Variants in SCD5 observed in about 807,000 individuals in gnomAD.
SCD5 encodes stearoyl-CoA desaturase 5, also known as acyl-CoA-desaturase 4.
In SCD5, 20 loss-of-function variants were observed where a neutral mutation model predicts 30.4. The observed-to-expected ratio is 0.66, with a 90% CI of 0.46 to 0.96. The LOEUF (loss-of-function observed/expected upper bound fraction) is 0.96. SCD5 is among the 40% of genes least tolerant of loss of function. The probability of loss-of-function intolerance (pLI) is 0.00; values close to 1 mark genes in which losing one functional copy is unlikely to be tolerated. For missense variants in SCD5, 381 were observed against 443.3 expected (o/e 0.86, Z 1.26); for synonymous variants, 173 against 176.4 (o/e 0.98, Z 0.16).
At position 82,631,132 on chromosome 4, in the gene SCD5, A is replaced by C; in HGVS notation, c.*195T>G. The C allele has an allele frequency of 1.9e-6, 1 of 515,486 alleles. No homozygotes were observed. Among genetic ancestry groups the C allele is most frequent in the Non-Finnish European group, 3.3e-6 (1 of 303,628 alleles). 31.9% of individuals were successfully genotyped at this position (515,486 alleles called of 1,614,324 possible). ...TCTCAAAAACAAAACAAACAAAAAA[A>C]AAAACGAAAGTTTTTTCATTGATAA... On this transcript the variant is annotated 3_prime_UTR_variant, in exon 5 of 5. Transcript: ENST00000319540.
intron 4 of SCD5, among the ~76,000 whole-genome samples, chr4:82,634,598 A>G (rs1456537670): frequency 6.6e-6 from 1 of 152,162 alleles, no homozygotes; most frequent in Non-Finnish European, 1.5e-5. Context: ...CTACTGCACA[A>G]CTGGATATGG....
At chr4:82,651,688 C>G (rs1727755099) in intron 3 of SCD5, among the ~76,000 whole-genome samples, 1 of 151,938 alleles carries the variant, frequency 6.6e-6, no homozygotes, top group Non-Finnish European at 1.5e-5. Context: ...CTGAGGTGGG[C>G]AGATCACCTG....
chr4:82,788,046 C>A (rs1353251578), intron 1 of SCD5, among the ~76,000 whole-genome samples: 1 of 152,060 alleles, frequency 6.6e-6, no homozygotes, highest in East Asian at 1.9e-4. Context: ...GACAATCAAT[C>A]AATCAATCAA....
chr4:82,761,529 GGGCCCT>G (rs1208207342), intron 1 of SCD5, among the ~76,000 whole-genome samples: 3 of 151,940 alleles, frequency 2.0e-5, no homozygotes, highest in Non-Finnish European at 4.4e-5. Context: ...TGTAGCTCAG[GGGCCCT>G]GAAGCCTCCA....
At chr4:82,720,601 AC>A (rs1283893383) in intron 1 of SCD5, among the ~76,000 whole-genome samples, 2 of 152,068 alleles carry the variant, frequency 1.3e-5, no homozygotes, top group Non-Finnish European at 2.9e-5. Context: ...GGGGGAAATC[AC>A]CCTTCTGCAA....
At position 82,631,267 on chromosome 4, in the gene SCD5, T is replaced by C. The variant is rs1156637039; in HGVS notation, c.*60A>G. On this transcript the variant is annotated 3_prime_UTR_variant, in exon 5 of 5. Coordinates refer to ENST00000319540, the MANE Select transcript of SCD5 (RefSeq NM_001037582.3). ...ACGATCCAATGTACAAGAGAGCTATTGTAACCAAAGCCATGAACCGAGGTT... is the reference window on the plus strand; with the variant it reads ...ACGATCCAATGTACAAGAGAGCTATCGTAACCAAAGCCATGAACCGAGGTT... The C allele has an allele frequency of 1.3e-6, 2 of 1,516,214 alleles. No homozygotes were observed. Among genetic ancestry groups the C allele is most frequent in the Non-Finnish European group, 1.8e-6 (2 of 1,108,712 alleles). 93.9% of individuals were successfully genotyped at this position (1,516,214 alleles called of 1,614,324 possible). A position where few individuals can be genotyped will look rare whatever the true frequency, so the allele number is the denominator to read the frequency against.
At chr4:82,761,515 C>T (rs76130949) in intron 1 of SCD5, among the ~76,000 whole-genome samples, 2,096 of 152,252 alleles carry the variant, frequency 0.014, 22 homozygotes, top group Non-Finnish European at 0.018. Flanking sequence ...TCTTTTACAG[C>T]TCATGTAGCT....
chr4:82,658,212 T>C (rs1329957935), intron 3 of SCD5, among the ~76,000 whole-genome samples: 1 of 152,228 alleles, frequency 6.6e-6, no homozygotes, highest in African/African-American at 2.4e-5. Flanking sequence ...GCCCATTCAG[T>C]ATGATATTGG....
At chr4:82,766,758 G>GT (rs1256822017) in intron 1 of SCD5, among the ~76,000 whole-genome samples, 1 of 152,136 alleles carries the variant, frequency 6.6e-6, no homozygotes, top group Non-Finnish European at 1.5e-5. Context: ...CTTGGAAATA[G>GT]TTTGATTCTT....
At chr4:82,786,542 G>A (rs182211934) in intron 1 of SCD5, among the ~76,000 whole-genome samples, 3 of 152,130 alleles carry the variant, frequency 2.0e-5, no homozygotes, top group Non-Finnish European at 4.4e-5. Flanking sequence ...GCTCATGCTT[G>A]TAATGCCAGC....
intron 1 of SCD5, among the ~76,000 whole-genome samples, chr4:82,712,283 T>TACATATATATATATATACAC (rs1475270777): frequency 4.1e-5 from 2 of 48,392 alleles, no homozygotes; most frequent in Non-Finnish European, 7.3e-5. Context: ...TATATATATA[T>TACATATATATATATATACAC]ATATATATAT....
chr4:82,752,792 T>C (rs1181485346), intron 1 of SCD5, among the ~76,000 whole-genome samples: 1 of 152,026 alleles, frequency 6.6e-6, no homozygotes, highest in East Asian at 1.9e-4. Context: ...TTTCCCTTTT[T>C]CCCCCTAAAT....
intron 3 of SCD5, among the ~76,000 whole-genome samples, chr4:82,667,284 ACACG>A (rs1553915102): frequency 6.6e-6 from 1 of 150,490 alleles, no homozygotes; most frequent in South Asian, 2.1e-4. Flanking sequence ...ACACACACAC[ACACG>A]CACGCACGCA....
intron 1 of SCD5, among the ~76,000 whole-genome samples, chr4:82,774,566 T>A (rs1242811977): frequency 3.3e-5 from 5 of 152,194 alleles, no homozygotes; most frequent in Non-Finnish European, 5.9e-5. Context: ...TCTTAATTTA[T>A]AAAATGTAAG....
intron 1 of SCD5, among the ~76,000 whole-genome samples, chr4:82,770,059 A>C (rs1721584799): frequency 6.6e-6 from 1 of 152,060 alleles, no homozygotes; most frequent in African/African-American, 2.4e-5. Context: ...TTATATTTTA[A>C]GTTCTAGGGT....
In SCD5 at chr4:82,716,195, G is replaced by A. The variant is rs188396272; in HGVS notation, c.233-10782C>T. Among the ~76,000 whole-genome samples, 29 of 151,640 alleles carry A rather than the reference G, an allele frequency of 1.9e-4. 1 individual carries two copies. The highest frequency in any genetic ancestry group is 1.3e-3 in the Admixed American group (20 of 15,276). ...ACACAAAGCTTCTCTTCCGGGTGTCGGGGAGATCATTTACTAGGCATGGGA... is the reference window on the plus strand; with the variant it reads ...ACACAAAGCTTCTCTTCCGGGTGTCAGGGAGATCATTTACTAGGCATGGGA... On this transcript the variant is annotated intron_variant, in intron 1 of 4. Coordinates refer to ENST00000319540, the MANE Select transcript of SCD5 (RefSeq NM_001037582.3).
intron 1 of SCD5, among the ~76,000 whole-genome samples, chr4:82,733,467 C>A (rs1720685774): frequency 6.6e-6 from 1 of 152,150 alleles, no homozygotes. Flanking sequence ...AATAGCTGTG[C>A]CCACCTACCT....
At chr4:82,770,489 C>T (rs1721596733) in intron 1 of SCD5, among the ~76,000 whole-genome samples, 1 of 152,208 alleles carries the variant, frequency 6.6e-6, no homozygotes, top group South Asian at 2.1e-4. Flanking sequence ...GTACAGTAAG[C>T]AAGCAGTTGC....
At chr4:82,787,839 G>A (rs1423021286) in intron 1 of SCD5, among the ~76,000 whole-genome samples, 2 of 152,084 alleles carry the variant, frequency 1.3e-5, no homozygotes, top group African/African-American at 4.8e-5. Context: ...GACCAGCCTG[G>A]ACAACATAAA....
Sources: gnomAD v4.1 joint callset for allele counts (sites outside exome capture counted in the v4.1 genomes callset) on GRCh38, gnomAD v4.1.1 for gene constraint, MANE v1.5 for transcripts, NCBI Gene and HGNC (gene_info 2026-07-23, HGNC 2026-07-21) for gene names.